The following LRRC19 variants were observed in gnomAD, a reference collection of about 807,000 sequenced individuals.
The protein encoded by LRRC19 is leucine-rich repeat-containing protein 19.
A neutral mutation model predicts 33.3 loss-of-function variants in LRRC19; 33 were observed. The ratio of observed to expected loss-of-function variants is 0.99; its 90% CI spans 0.75 to 1.33. LRRC19 has a LOEUF of 1.33. Among genes scored for constraint, LRRC19 ranks in the 40% most tolerant of loss-of-function variants. LRRC19 has a pLI of 0.00. For synonymous variants in LRRC19, 184 were observed against 152.3 expected (o/e 1.21, Z -1.53); for missense variants, 463 against 417.3 (o/e 1.11, Z -0.95).
chr9:26,997,944 A>G lies in LRRC19; in HGVS notation c.379T>C (p.Tyr127His), dbSNP rs1759246274. The change falls in exon 3 of 5, where the codon TAT (tyrosine) becomes CAT (histidine). Residue 127 changes from tyrosine to histidine, a missense_variant. Physicochemically the swap from Tyr to His is moderately conservative, Grantham distance 83. Coordinates refer to ENST00000380055, the MANE Select transcript of LRRC19 (RefSeq NM_022901.3). ...FLGLNKLKQL[Y>H]LCQNKIEQLN... The stretch of plus-strand genomic sequence containing the variant: ...TGTTCTATTTTGTTTTGGCAGAGAT[A>G]TAACTGTTTTAGTTTATTTAAGCCT... 1.2e-6 allele frequency: 2 copies of G among 1,613,886 alleles called. No homozygotes were observed. The highest frequency in any genetic ancestry group is 1.7e-5 in the Admixed American group (1 of 59,972).
At position 26,999,718 on chromosome 9, in the gene LRRC19, AG is replaced by A; in HGVS notation, c.-9-16del. 6.8e-7 allele frequency: 1 copy of A among 1,463,074 alleles called. No homozygotes were observed. The highest frequency in any genetic ancestry group is 9.4e-7 in the Non-Finnish European group (1 of 1,069,094). The allele number at this position is 1,463,074 out of a possible 1,614,324, so 90.6% of individuals were successfully genotyped here. A position where few individuals can be genotyped will look rare whatever the true frequency, so the allele number is the denominator to read the frequency against. On this transcript the variant is annotated splice_polypyrimidine_tract_variant and intron_variant, in intron 1 of 4. Coordinates refer to ENST00000380055, the MANE Select transcript of LRRC19 (RefSeq NM_022901.3). ...ATGTTGCAGACCTGATAGAAAAGAG[AG>A]TATTTTCATTAAGGACATTTTTATT...
chr9:26,998,735 G>A (rs1448820463), intron 2 of LRRC19, among the ~76,000 whole-genome samples: 2 of 152,016 alleles, frequency 1.3e-5, no homozygotes, highest in African/African-American at 4.8e-5. Flanking sequence ...TGTAATCCCA[G>A]CACTTTGGGA....
intron 1 of LRRC19, 29 bp from the exon 2 acceptor site, chr9:26,999,732 G>T: frequency 3.1e-6 from 4 of 1,300,568 alleles, no homozygotes; most frequent in Non-Finnish European, 4.3e-6. Flanking sequence ...TTTTCATTAA[G>T]GACATTTTTA....
At chr9:26,999,218 A>G (rs775341448) in intron 2 of LRRC19, among the ~76,000 whole-genome samples, 2 of 152,230 alleles carry the variant, frequency 1.3e-5, no homozygotes, top group Non-Finnish European at 2.9e-5. Flanking sequence ...ACAGTAAACT[A>G]AGAATAAATA....
At chr9:27,001,823 G>A (rs375377545) in intron 1 of LRRC19, among the ~76,000 whole-genome samples, 5 of 151,950 alleles carry the variant, frequency 3.3e-5, no homozygotes, top group South Asian at 2.1e-4. Flanking sequence ...TTTGCTTGGC[G>A]AAACCCCATT....
intron 1 of LRRC19, among the ~76,000 whole-genome samples, chr9:27,005,331 G>T (rs1828710212): frequency 1.8e-4 from 19 of 105,948 alleles, no homozygotes; most frequent in Admixed American, 6.3e-4. Context: ...TTATAAATTT[G>T]ATTGGCTAGA....
intron 4 of LRRC19, among the ~76,000 whole-genome samples, 178 bp from the exon 5 acceptor site, chr9:26,996,027 AT>A (rs1488546490): frequency 6.6e-6 from 1 of 152,088 alleles, no homozygotes; most frequent in Non-Finnish European, 1.5e-5. Context: ...TGTGTTTGCA[AT>A]TTTGTTACCC....
chr9:26,998,266 CATT>C lies in LRRC19; in HGVS notation c.82-28_82-26del, dbSNP rs781383201. ...CCTAGAAAAACAAAAAAAAGAAAGGCATTAATCAGAAAAAAAATTAATAGAATT... is the reference window on the plus strand; with the variant it reads ...CCTAGAAAAACAAAAAAAAGAAAGGCAATCAGAAAAAAAATTAATAGAATT... On this transcript the variant is annotated intron_variant, in intron 2 of 4. Coordinates refer to ENST00000380055, the MANE Select transcript of LRRC19 (RefSeq NM_022901.3). 23 of 1,285,032 alleles carry C rather than the reference CATT, an allele frequency of 1.8e-5. No individual in the cohort carries two copies. In the South Asian group the frequency reaches 4.0e-4, roughly 22 times the overall value. The allele number at this position is 1,285,032 out of a possible 1,614,324, so 79.6% of individuals were successfully genotyped here. A position where few individuals can be genotyped will look rare whatever the true frequency, so the allele number is the denominator to read the frequency against.
At chr9:27,005,241 T>C (rs976893608) in intron 1 of LRRC19, among the ~76,000 whole-genome samples, 2 of 152,064 alleles carry the variant, frequency 1.3e-5, no homozygotes, top group African/African-American at 4.8e-5. Flanking sequence ...GGCCAGTCTT[T>C]TTTTTATCTT....
In LRRC19 at chr9:26,993,590, A is replaced by G. The variant is rs1827985878; in HGVS notation, c.*1931T>C. 6.6e-6 allele frequency: 1 copy of G among 152,530 alleles called. No homozygotes were observed. Among genetic ancestry groups the G allele is most frequent in the African/African-American group, 2.4e-5 (1 of 41,458 alleles). The allele number at this position is 152,530 out of a possible 1,614,324, so 9.4% of individuals were successfully genotyped here. A position where few individuals can be genotyped will look rare whatever the true frequency, so the allele number is the denominator to read the frequency against. On this transcript the variant is annotated 3_prime_UTR_variant, in exon 5 of 5. Coordinates refer to ENST00000380055, the MANE Select transcript of LRRC19 (RefSeq NM_022901.3). The stretch of plus-strand genomic sequence containing the variant: ...TTTTAAAATGACTATTCTATAGATT[A>G]TGACATAGATCTATTTTATTTTAGC...
At chr9:26,999,802 G>T in intron 1 of LRRC19, 99 bp from the exon 2 acceptor site, 1 of 676,260 alleles carries the variant, frequency 1.5e-6, no homozygotes, top group Non-Finnish European at 2.2e-6. Context: ...GGCTGAGACA[G>T]GGTCTCACTC....
At chr9:26,998,306 C>A in intron 2 of LRRC19, 65 bp from the exon 3 acceptor site, 1 of 989,442 alleles carries the variant, frequency 1.0e-6, no homozygotes, top group Non-Finnish European at 1.4e-6. Context: ...CACCAAATTT[C>A]ATATTTAAGC....
intron 1 of LRRC19, among the ~76,000 whole-genome samples, chr9:27,000,802 C>G (rs1297456251): frequency 6.6e-6 from 1 of 152,158 alleles, no homozygotes; most frequent in African/African-American, 2.4e-5. Context: ...AACAAACCTG[C>G]ATAACCTGCA....
At chr9:26,999,740 T>TCTGTA (rs780426278) in intron 1 of LRRC19, 37 bp from the exon 2 acceptor site, 1 of 1,422,986 alleles carries the variant, frequency 7.0e-7, no homozygotes, top group South Asian at 1.3e-5. Context: ...AAGGACATTT[T>TCTGTA]TATTTTTCCC....
In LRRC19 at chr9:26,995,613, T is replaced by C. The variant is rs141891520; in HGVS notation, c.1021A>G (p.Ile341Val). ...PETNSEETTV[I>V]FEQLHSFVVD... ...ACAAATGAATGTAATTGTTCAAATATTACTGTAGTTTCTTCAGAGTTTGTT... is the reference window on the plus strand; with the variant it reads ...ACAAATGAATGTAATTGTTCAAATACTACTGTAGTTTCTTCAGAGTTTGTT... The change falls in exon 5 of 5, where the codon ATA (isoleucine) becomes GTA (valine). Residue 341 changes from isoleucine (I) to valine (V), a missense_variant. Transcript: ENST00000380055. 28 of 1,610,916 alleles carry C rather than the reference T, an allele frequency of 1.7e-5. No homozygotes were observed. In the African/African-American group the frequency reaches 3.2e-4, roughly 18 times the overall value.
In LRRC19 at chr9:26,995,708, T is replaced by G; in HGVS notation, c.926A>C (p.Glu309Ala). 6.2e-7 allele frequency: 1 copy of G among 1,613,898 alleles called. No homozygotes were observed. Among genetic ancestry groups the G allele is most frequent in the Non-Finnish European group, 8.5e-7 (1 of 1,179,892 alleles). ...ILLSYNHHRL[E>A]EHEAETYEDG... ...TTCATAGGTTTCTGCTTCATGCTCT[T>G]CCAGGCGATGATGATTATAACTAAG... Residue 309 changes from glutamate (E) to alanine (A), a missense_variant, in exon 5 of 5, where the codon GAA becomes GCA. By Grantham distance (107) the Glu-to-Ala change is moderately radical (BLOSUM62 -1). Transcript: ENST00000380055.
chr9:27,001,173 A>G (rs1238959825), intron 1 of LRRC19, among the ~76,000 whole-genome samples: 2 of 152,088 alleles, frequency 1.3e-5, no homozygotes, highest in Non-Finnish European at 2.9e-5. Context: ...TCCATTGTAT[A>G]TATATGCTAC....
At chr9:27,003,465 G>C (rs1280029559) in intron 1 of LRRC19, among the ~76,000 whole-genome samples, 1 of 152,052 alleles carries the variant, frequency 6.6e-6, no homozygotes, top group Non-Finnish European at 1.5e-5. Context: ...AGAAGTTGCA[G>C]TGAGCCGTGA....
At position 26,998,181 on chromosome 9, in the gene LRRC19, C is replaced by A; in HGVS notation, c.142G>T (p.Asp48Tyr). 6.4e-7 allele frequency: 1 copy of A among 1,570,578 alleles called. No individual in the cohort carries two copies. Among genetic ancestry groups the A allele is most frequent in the Non-Finnish European group, 8.7e-7 (1 of 1,153,134 alleles). The change falls in exon 3 of 5, where the codon GAT becomes TAT. Residue 48 changes from aspartate to tyrosine, a missense_variant. Physicochemically the swap from Asp to Tyr is radical, Grantham distance 160. Coordinates refer to ENST00000380055, the MANE Select transcript of LRRC19 (RefSeq NM_022901.3). ...TAACTGAGATCAAGTATAGTAACAT[C>A]TTTCTTGATATCTGCTGGAATCAAG... is the stretch of plus-strand genomic sequence containing the variant. The part of the protein sequence containing the change: ...YTLIPADIKK[D>Y]VTILDLSYNQ...
Sources: gnomAD v4.1 joint callset for allele counts (sites outside exome capture counted in the v4.1 genomes callset) on GRCh38, gnomAD v4.1.1 for gene constraint, MANE v1.5 for transcripts, NCBI Gene and HGNC (gene_info 2026-07-23, HGNC 2026-07-21) for gene names.